The following ERC2 variants were observed in gnomAD, a reference collection of about 807,000 sequenced individuals.
ERC2 encodes ELKS/RAB6-interacting/CAST family member 2, also known as ERC protein 2.
A neutral mutation model predicts 114.8 loss-of-function variants in ERC2; 42 were observed. The ratio of observed to expected loss-of-function variants is 0.37; its 90% CI spans 0.29 to 0.47. The LOEUF (loss-of-function observed/expected upper bound fraction) is 0.47, where lower values mean the gene tolerates loss of function less well. Among genes scored for constraint, ERC2 ranks in the 20% least tolerant of loss-of-function variants. The pLI is 0.99. For missense variants in ERC2, 939 were observed against 1,150.7 expected, an observed-to-expected ratio of 0.82 and a Z score of 2.66; for synonymous variants, 454 against 425.5, an observed-to-expected ratio of 1.07 and a Z score of -0.82.
At chr3:56,299,116 TTTGTTTTTTTTTTTG>T (rs757638406) in intron 2 of ERC2, among the ~76,000 whole-genome samples, 1,363 of 135,260 alleles carry the variant, frequency 0.01, 2 homozygotes, top group South Asian at 0.023. Context: ...GTTTTTTTTT[TTTGTTTTTTTTTTTG>T]TTTGTTTGTT....
chr3:56,154,767 T>C (rs2081603741), intron 4 of ERC2, among the ~76,000 whole-genome samples: 1 of 152,158 alleles, frequency 6.6e-6, no homozygotes, highest in African/African-American at 2.4e-5. Context: ...ACTATGCTCC[T>C]GAGTATGTTA....
chr3:55,898,306 C>T lies in ERC2; in HGVS notation c.2404-9757G>A, dbSNP rs987047465. Among the ~76,000 whole-genome samples, 7 of 152,156 alleles carry T rather than the reference C, an allele frequency of 4.6e-5. No homozygotes were observed. The South Asian group carries it at 1.5e-3, about 32-fold the overall frequency. On this transcript the variant is annotated intron_variant, in intron 13 of 17. Transcript: ENST00000288221. ...TGGTGTAGGGGTATATCTCGAGCAG[C>T]TGGGAGGCTTTATTACACGTGTGTC...
intron 4 of ERC2, among the ~76,000 whole-genome samples, chr3:56,153,962 T>A (rs2081563708): frequency 6.6e-6 from 1 of 152,210 alleles, no homozygotes; most frequent in Admixed American, 6.5e-5. Flanking sequence ...TTTTAAAAGA[T>A]GTGATCTAAT....
chr3:55,792,397 G>T (rs2070110869), intron 14 of ERC2, among the ~76,000 whole-genome samples: 1 of 152,252 alleles, frequency 6.6e-6, no homozygotes, highest in South Asian at 2.1e-4. Context: ...TCAAAGCTAG[G>T]CATTTAAAAG....
At chr3:56,041,636 A>T (rs1411711856) in intron 7 of ERC2, among the ~76,000 whole-genome samples, 3 of 150,842 alleles carry the variant, frequency 2.0e-5, no homozygotes. Flanking sequence ...TCCCTCTTTC[A>T]TTCCTTCCCT....
intron 15 of ERC2, among the ~76,000 whole-genome samples, chr3:55,704,750 GCC>G (rs2063396154): frequency 3.3e-5 from 5 of 152,208 alleles, no homozygotes; most frequent in Non-Finnish European, 7.3e-5. Context: ...AAAGGAATGT[GCC>G]GCATTGGGGA....
In ERC2 at chr3:55,539,415, C is replaced by CTTTTTTTTTTTTTTTTTTTTTTTTTTTTT. The variant is rs58749389; in HGVS notation, c.*40-28140_*40-28139insAAAAAAAAAAAAAAAAAAAAAAAAAAAAA. 3.7e-3 allele frequency among the ~76,000 whole-genome samples: 143 copies of CTTTTTTTTTTTTTTTTTTTTTTTTTTTTT among 39,106 alleles called. 29 individuals carry two copies. The highest frequency in any genetic ancestry group is 0.012 in the East Asian group (9 of 762). The allele number at this position is 39,106 out of a possible 152,430, so 25.7% of individuals were successfully genotyped here. ...TCTCTCTCTCTCTCTTTTTTTCTTT[C>CTTTTTTTTTTTTTTTTTTTTTTTTTTTTT]TTTTTTTTTTTTTTTTTTTTTTTTT... On this transcript the variant is annotated intron_variant, in intron 17 of 17. Coordinates refer to ENST00000288221, the MANE Select transcript of ERC2 (RefSeq NM_015576.3).
chr3:56,178,819 G>A (rs181723649), intron 3 of ERC2, among the ~76,000 whole-genome samples: 120 of 151,978 alleles, frequency 7.9e-4, no homozygotes, highest in South Asian at 1.5e-3. Context: ...AAACCACATC[G>A]TTATAAATGT....
chr3:55,884,123 C>A (rs1044971352), intron 14 of ERC2, among the ~76,000 whole-genome samples: 1 of 152,282 alleles, frequency 6.6e-6, no homozygotes, highest in Admixed American at 6.5e-5. Flanking sequence ...AGCAGCCTGA[C>A]AATCCACAGG....
chr3:55,811,164 T>A (rs1168053156), intron 14 of ERC2, among the ~76,000 whole-genome samples: 1 of 152,224 alleles, frequency 6.6e-6, no homozygotes, highest in Non-Finnish European at 1.5e-5. Flanking sequence ...AATTTTAATT[T>A]AAATAGCAAT....
At chr3:56,048,018 T>C (rs1353112568) in intron 7 of ERC2, among the ~76,000 whole-genome samples, 1 of 152,322 alleles carries the variant, frequency 6.6e-6, no homozygotes, top group Non-Finnish European at 1.5e-5. Context: ...CCCTATGTAG[T>C]ACCCCAAATG....
intron 2 of ERC2, among the ~76,000 whole-genome samples, chr3:56,368,712 C>T (rs557332934): frequency 2.6e-5 from 4 of 152,074 alleles, no homozygotes; most frequent in Admixed American, 6.6e-5. Flanking sequence ...AATATTACAA[C>T]GGAATCATGT....
chr3:55,775,652 G>C (rs1256863862), intron 14 of ERC2, among the ~76,000 whole-genome samples: 1 of 152,086 alleles, frequency 6.6e-6, no homozygotes, highest in African/African-American at 2.4e-5. Context: ...AGAGAGTAAG[G>C]AGAGATAGAT....
chr3:56,305,199 G>T (rs1029845389), intron 2 of ERC2, among the ~76,000 whole-genome samples: 1 of 151,856 alleles, frequency 6.6e-6, no homozygotes, highest in African/African-American at 2.4e-5. Context: ...TTAAAATTAG[G>T]AATTTCTGTT....
intron 17 of ERC2, among the ~76,000 whole-genome samples, chr3:55,536,924 C>T (rs6767040): frequency 0.092 from 13,992 of 152,230 alleles, 1,284 homozygotes; most frequent in African/African-American, 0.24. Context: ...TAAGAACTTT[C>T]GCCACATATA....
intron 12 of ERC2, among the ~76,000 whole-genome samples, chr3:55,953,834 T>A (rs779681399): frequency 2.6e-5 from 4 of 152,044 alleles, no homozygotes; most frequent in Admixed American, 2.0e-4. Context: ...TTTGTAAGAA[T>A]AAAATCTATA....
At chr3:56,178,964 T>C (rs549964178) in intron 3 of ERC2, among the ~76,000 whole-genome samples, 29 of 151,742 alleles carry the variant, frequency 1.9e-4, no homozygotes, top group South Asian at 1.3e-3. Flanking sequence ...AGCAGGGGTG[T>C]CCAATCTTTT....
At chr3:55,674,083 C>T (rs1483438940) in intron 17 of ERC2, among the ~76,000 whole-genome samples, 1 of 152,156 alleles carries the variant, frequency 6.6e-6, no homozygotes, top group East Asian at 1.9e-4. Context: ...CTCTAGTGTG[C>T]GTGGCCACTC....
rs148429425 is a variant in ERC2 at position 55,736,643 on chromosome 3, G to A, written c.2565-1725C>T. On this transcript the variant is annotated intron_variant, in intron 14 of 17. Transcript: ENST00000288221. Reference sequence around the variant, plus strand: ...TCTAGAAGATCCCTCAGCACATAGCGAGTGCTCAAAAATGTTAGTTCAAGG... The same window carrying A: ...TCTAGAAGATCCCTCAGCACATAGCAAGTGCTCAAAAATGTTAGTTCAAGG... Among the ~76,000 whole-genome samples, 676 of 152,176 alleles carry A rather than the reference G, an allele frequency of 4.4e-3. 6 individuals are homozygous for A. The highest frequency in any genetic ancestry group is 6.1e-3 in the Non-Finnish European group (412 of 68,002).
Sources: gnomAD v4.1 joint callset for allele counts (sites outside exome capture counted in the v4.1 genomes callset) on GRCh38, gnomAD v4.1.1 for gene constraint, MANE v1.5 for transcripts, NCBI Gene and HGNC (gene_info 2026-07-23, HGNC 2026-07-21) for gene names.